The following TMEM87B variants were observed in gnomAD, a reference collection of about 807,000 sequenced individuals.
TMEM87B encodes the protein transmembrane protein 87B.
In TMEM87B, 83 loss-of-function variants were observed where a neutral mutation model predicts 80.3. That is an observed-to-expected ratio of 1.03 (90% CI 0.87 to 1.24). TMEM87B has a LOEUF of 1.24. Among genes scored for constraint, TMEM87B ranks in the 50% most tolerant of loss-of-function variants. TMEM87B has a pLI of 0.00. For missense variants in TMEM87B, 625 were observed against 674.4 expected, an observed-to-expected ratio of 0.93 and a Z score of 0.81; for synonymous variants, 219 against 230.5, an observed-to-expected ratio of 0.95 and a Z score of 0.45.
chr2:112,105,240 G>A (rs536573240), intron 15 of TMEM87B, among the ~76,000 whole-genome samples: 1 of 152,206 alleles, frequency 6.6e-6, no homozygotes, highest in Non-Finnish European at 1.5e-5. Flanking sequence ...TTTGGATTGA[G>A]GAACCTCATT....
At chr2:112,064,411 G>C (rs1468263250) in intron 3 of TMEM87B, among the ~76,000 whole-genome samples, 158 bp downstream of exon 3, 1 of 152,332 alleles carries the variant, frequency 6.6e-6, no homozygotes, top group East Asian at 1.9e-4. Flanking sequence ...CAAGTTACAT[G>C]CTGAGAATAC....
chr2:112,085,552 C>G (rs1679116806), intron 8 of TMEM87B, among the ~76,000 whole-genome samples: 1 of 152,170 alleles, frequency 6.6e-6, no homozygotes, highest in Non-Finnish European at 1.5e-5. Flanking sequence ...AGTACAAGCT[C>G]CATGAAGGCA....
In TMEM87B at chr2:112,116,077, T is replaced by TC; in HGVS notation, c.1609-6dup. 2 of 1,610,528 alleles carry TC rather than the reference T, an allele frequency of 1.2e-6. No individual in the cohort carries two copies. The highest frequency in any genetic ancestry group is 3.3e-5 in the Admixed American group (2 of 59,720). On this transcript the variant is annotated splice_region_variant and splice_polypyrimidine_tract_variant and intron_variant, in intron 18 of 18. Transcript: ENST00000283206. ...TGTTGATACATATCTTCTTTTTTTTTCTTCAGGAAATCATGACCAGATCTG... is the reference window on the plus strand; with the variant it reads ...TGTTGATACATATCTTCTTTTTTTTTCCTTCAGGAAATCATGACCAGATCTG...
chr2:112,082,111 T>C lies in TMEM87B; in HGVS notation c.838+593T>C, dbSNP rs148751114. On this transcript the variant is annotated intron_variant, in intron 8 of 18. Coordinates refer to ENST00000283206, the MANE Select transcript of TMEM87B (RefSeq NM_032824.3). ...ATGTGTGCCCCAGACTTCTAGAAAG[T>C]GGATTTCAGGCCAGAGAAGTAAAGG... 9.8e-3 allele frequency among the ~76,000 whole-genome samples: 1,487 copies of C among 152,184 alleles called. 34 individuals carry two copies. The highest frequency in any genetic ancestry group is 0.034 in the African/African-American group (1,411 of 41,524).
chr2:112,096,645 C>A (rs1487299140), intron 11 of TMEM87B, among the ~76,000 whole-genome samples: 1 of 152,140 alleles, frequency 6.6e-6, no homozygotes, highest in Admixed American at 6.5e-5. Context: ...CTGGAAAGAT[C>A]AAAATAAGAT....
Position 112,097,041 on chromosome 2 carries a change from C to A in TMEM87B, c.1105-3C>A. 1 of 1,555,052 alleles carries A rather than the reference C, an allele frequency of 6.4e-7. No homozygotes were observed. Among genetic ancestry groups the A allele is most frequent in the South Asian group, 1.2e-5 (1 of 82,870 alleles). On this transcript the variant is annotated splice_polypyrimidine_tract_variant and splice_region_variant and intron_variant, in intron 11 of 18. Coordinates refer to ENST00000283206, the MANE Select transcript of TMEM87B (RefSeq NM_032824.3). ...TGGAATGTTTTTCCTTAACTTTTTTCACATTTTTATTAGTTTGGCACAAAC... is the reference window on the plus strand; with the variant it reads ...TGGAATGTTTTTCCTTAACTTTTTTAACATTTTTATTAGTTTGGCACAAAC...
intron 4 of TMEM87B, among the ~76,000 whole-genome samples, chr2:112,073,026 A>G (rs1678703533): frequency 6.7e-6 from 1 of 150,242 alleles, no homozygotes; most frequent in Non-Finnish European, 1.5e-5. Context: ...CAGCCTCCCG[A>G]GTAGCTGGGA....
At chr2:112,106,113 CT>C (rs1262435933) in intron 16 of TMEM87B, 38 bp downstream of exon 16, 1 of 1,350,766 alleles carries the variant, frequency 7.4e-7, no homozygotes, top group Non-Finnish European at 1.0e-6. Flanking sequence ...CTTAGTCTTC[CT>C]TAGTCTTCAC....
At chr2:112,113,125 ATACT>A (rs3842568) in intron 18 of TMEM87B, among the ~76,000 whole-genome samples, 196 bp downstream of exon 18, 72,545 of 151,764 alleles carry the variant, frequency 0.48, 17,876 homozygotes, top group East Asian at 0.87. Flanking sequence ...AACAAGATAA[ATACT>A]TACTGGTATG....
intron 2 of TMEM87B, among the ~76,000 whole-genome samples, chr2:112,061,855 C>T (rs1299044576): frequency 1.3e-5 from 2 of 152,152 alleles, no homozygotes; most frequent in East Asian, 3.8e-4. Context: ...TGGTCATGTC[C>T]AACAGCATTG....
chr2:112,110,502 A>G (rs934865018), intron 17 of TMEM87B, among the ~76,000 whole-genome samples: 4 of 152,148 alleles, frequency 2.6e-5, no homozygotes, highest in Non-Finnish European at 4.4e-5. Context: ...CTTCTACTGT[A>G]AAATGTTTTG....
At chr2:112,060,439 T>C (rs1678215898) in intron 2 of TMEM87B, among the ~76,000 whole-genome samples, 1 of 152,118 alleles carries the variant, frequency 6.6e-6, no homozygotes, top group African/African-American at 2.4e-5. Context: ...ATATAACATA[T>C]ATAATAAACT....
At chr2:112,088,088 C>T (rs1039387447) in intron 9 of TMEM87B, among the ~76,000 whole-genome samples, 21 of 152,326 alleles carry the variant, frequency 1.4e-4, no homozygotes, top group African/African-American at 4.8e-4. Flanking sequence ...CTCCTGTGTG[C>T]GTGCCCGTTT....
rs1680027014 is a variant in TMEM87B at position 112,116,410 on chromosome 2, A to G, written c.*267A>G. 1 of 286,298 alleles carries G rather than the reference A, an allele frequency of 3.5e-6. No individual in the cohort carries two copies. Among genetic ancestry groups the G allele is most frequent in the Admixed American group, 5.1e-5 (1 of 19,600 alleles). 17.7% of individuals were successfully genotyped at this position (286,298 alleles called of 1,614,324 possible). ...GATCTGCACAGATGCCTCTTAGCTG[A>G]TAGGTGGCAGGCCTGTGGGTTTGGG... On this transcript the variant is annotated 3_prime_UTR_variant, in exon 19 of 19. Transcript: ENST00000283206.
chr2:112,116,185 T>C lies in TMEM87B; in HGVS notation c.*42T>C, dbSNP rs1255048168. 2 of 1,549,976 alleles carry C rather than the reference T, an allele frequency of 1.3e-6. No individual in the cohort carries two copies. The highest frequency in any genetic ancestry group is 2.3e-5 in the South Asian group (2 of 85,748). ...AAATGTAGTTAAGCCTGAAGGACTA[T>C]CCTTCATCAAGACTGAAAGTGAGCT... On this transcript the variant is annotated 3_prime_UTR_variant, in exon 19 of 19. Coordinates refer to ENST00000283206, the MANE Select transcript of TMEM87B (RefSeq NM_032824.3).
rs759035949 is a variant in TMEM87B at position 112,055,654 on chromosome 2, C to G, written c.63C>G (p.Ala21=). 8.9e-6 allele frequency: 14 copies of G among 1,573,174 alleles called. No individual in the cohort carries two copies. In the African/African-American group the frequency reaches 1.1e-4, roughly 13 times the overall value. ...LLPRRRRCFP[A]RAPLLRVALC... is the part of the protein sequence containing the mutation. ...CACGCCGCCGCCGCTGCTTTCCCGC[C>G]CGGGCCCCGCTGCTGCGCGTCGCCC... The change falls in exon 1 of 19, where the codon GCC becomes GCG. Residue 21 remains alanine, a synonymous_variant. Transcript: ENST00000283206.
intron 2 of TMEM87B, among the ~76,000 whole-genome samples, chr2:112,060,746 A>G (rs1678233588): frequency 6.6e-6 from 1 of 152,078 alleles, no homozygotes; most frequent in Non-Finnish European, 1.5e-5. Flanking sequence ...CATGTTGGCC[A>G]GGCTGGCCTC....
chr2:112,118,061 G>A lies in TMEM87B; in HGVS notation c.*1918G>A, dbSNP rs1448021829. On this transcript the variant is annotated 3_prime_UTR_variant, in exon 19 of 19. Transcript: ENST00000283206. ...CCCTGTAGCTCAGCTACAGGCTGCAGTGCAAACTTTTCTTCCATCCAGAGA... is the reference window on the plus strand; with the variant it reads ...CCCTGTAGCTCAGCTACAGGCTGCAATGCAAACTTTTCTTCCATCCAGAGA... 1 of 152,160 alleles carries A rather than the reference G, an allele frequency of 6.6e-6. No individual in the cohort carries two copies. Among genetic ancestry groups the A allele is most frequent in the Admixed American group, 6.5e-5 (1 of 15,276 alleles). 9.4% of individuals were successfully genotyped at this position (152,160 alleles called of 1,614,324 possible).
chr2:112,057,968 C>G lies in TMEM87B; in HGVS notation c.166-2009C>G, dbSNP rs568045503. On this transcript the variant is annotated intron_variant, in intron 1 of 18. Coordinates refer to ENST00000283206, the MANE Select transcript of TMEM87B (RefSeq NM_032824.3). Reference sequence around the variant, plus strand: ...TCAGCCTCCTGAGTAGCTGGGATTACAGGTGTGTGCCACCACGCCTGGCTA... The same window carrying G: ...TCAGCCTCCTGAGTAGCTGGGATTAGAGGTGTGTGCCACCACGCCTGGCTA... Among the ~76,000 whole-genome samples, 248 of 152,190 alleles carry G rather than the reference C, an allele frequency of 1.6e-3. 2 individuals carry two copies. The highest frequency in any genetic ancestry group is 5.6e-3 in the African/African-American group (233 of 41,536).
Sources: gnomAD v4.1 joint callset for allele counts (sites outside exome capture counted in the v4.1 genomes callset) on GRCh38, gnomAD v4.1.1 for gene constraint, MANE v1.5 for transcripts, NCBI Gene and HGNC (gene_info 2026-07-23, HGNC 2026-07-21) for gene names.